CSMD1: variants seen among roughly 807,000 people sequenced by gnomAD.
CSMD1 encodes CUB and Sushi multiple domains 1.
A neutral mutation model predicts 417.5 loss-of-function variants in CSMD1; 213 were observed. That is an observed-to-expected ratio of 0.51 (90% CI 0.46 to 0.57). The LOEUF (loss-of-function observed/expected upper bound fraction) is 0.57, where lower values mean the gene tolerates loss of function less well. Ranked by LOEUF, CSMD1 falls within the 20% of genes least tolerant of loss-of-function variation. The probability of loss-of-function intolerance (pLI) is 0.00; values close to 1 mark genes in which losing one functional copy is unlikely to be tolerated. For synonymous variants in CSMD1, 2,862 were observed against 1,736.8 expected, an observed-to-expected ratio of 1.65 and a Z score of -16.11; for missense variants, 6,923 against 4,529.7, an observed-to-expected ratio of 1.53 and a Z score of -15.17.
intron 9 of CSMD1, among the ~76,000 whole-genome samples, chr8:3,584,998 G>A (rs1310480773): frequency 6.6e-6 from 1 of 152,200 alleles, no homozygotes; most frequent in Non-Finnish European, 1.5e-5. Flanking sequence ...TCCTGGACCA[G>A]AGATTGCTGA....
chr8:3,521,433 G>A (rs2117452191), intron 10 of CSMD1, among the ~76,000 whole-genome samples: 1 of 152,254 alleles, frequency 6.6e-6, no homozygotes, highest in Non-Finnish European at 1.5e-5. Context: ...CCTTGAGCAA[G>A]CTAGGAAGCT....
chr8:4,537,796 C>G (rs1193650280), intron 2 of CSMD1, among the ~76,000 whole-genome samples: 2 of 152,178 alleles, frequency 1.3e-5, no homozygotes, highest in Non-Finnish European at 2.9e-5. Flanking sequence ...TGCTGACTCT[C>G]AGGGCCGTGT....
intron 7 of CSMD1, among the ~76,000 whole-genome samples, chr8:3,658,066 G>C (rs562025026): frequency 5.9e-5 from 9 of 152,222 alleles, no homozygotes; most frequent in Non-Finnish European, 1.0e-4. Context: ...CGTCAGCCCA[G>C]AGGCATTCAG....
chr8:4,806,072 T>G (rs890502068), intron 1 of CSMD1, among the ~76,000 whole-genome samples: 1 of 152,186 alleles, frequency 6.6e-6, no homozygotes, highest in African/African-American at 2.4e-5. Context: ...CGGTGTCATT[T>G]ACAGACCCAC....
At chr8:4,453,064 G>C (rs929307247) in intron 2 of CSMD1, among the ~76,000 whole-genome samples, 1 of 152,154 alleles carries the variant, frequency 6.6e-6, no homozygotes, top group African/African-American at 2.4e-5. Flanking sequence ...CTAGGACCAT[G>C]AATGGTGATA....
intron 3 of CSMD1, among the ~76,000 whole-genome samples, chr8:4,180,946 A>C (rs754818885): frequency 2.0e-5 from 3 of 152,156 alleles, no homozygotes; most frequent in African/African-American, 4.8e-5. Flanking sequence ...CACTCTGTTA[A>C]TTAAGCCGGG....
chr8:3,993,235 G>A (rs1340317932), intron 5 of CSMD1, among the ~76,000 whole-genome samples: 2 of 152,172 alleles, frequency 1.3e-5, no homozygotes, highest in Non-Finnish European at 2.9e-5. Context: ...TCTGTAAAAT[G>A]AATTCAAAAT....
chr8:4,327,468 G>A (rs1024777340), intron 3 of CSMD1, among the ~76,000 whole-genome samples: 1 of 152,162 alleles, frequency 6.6e-6, no homozygotes, highest in African/African-American at 2.4e-5. Flanking sequence ...GCTGCCTGTA[G>A]GTAACTGGGG....
At chr8:4,121,361 C>T (rs929624592) in intron 3 of CSMD1, among the ~76,000 whole-genome samples, 1 of 152,090 alleles carries the variant, frequency 6.6e-6, no homozygotes, top group Non-Finnish European at 1.5e-5. Context: ...ATGATCCACC[C>T]ACCTTGGCCT....
chr8:4,378,942 C>G (rs1802925147), intron 3 of CSMD1, among the ~76,000 whole-genome samples: 1 of 152,150 alleles, frequency 6.6e-6, no homozygotes, highest in African/African-American at 2.4e-5. Flanking sequence ...TGATAAATTC[C>G]TATTATTTAT....
At chr8:3,921,515 C>T (rs1319506024) in intron 5 of CSMD1, among the ~76,000 whole-genome samples, 5 of 151,658 alleles carry the variant, frequency 3.3e-5, no homozygotes, top group Non-Finnish European at 7.4e-5. Flanking sequence ...TTATTTTTTT[C>T]ATGTAGGCCA....
At chr8:3,728,296 C>T (rs1802614896) in intron 6 of CSMD1, among the ~76,000 whole-genome samples, 1 of 152,082 alleles carries the variant, frequency 6.6e-6, no homozygotes, top group African/African-American at 2.4e-5. Context: ...CTTTGCTCTT[C>T]CTTCATCTTC....
intron 1 of CSMD1, among the ~76,000 whole-genome samples, chr8:4,719,148 C>T (rs1808883568): frequency 1.3e-5 from 2 of 151,960 alleles, no homozygotes; most frequent in African/African-American, 4.8e-5. Flanking sequence ...ACAATGATGG[C>T]CTGGAGAAAG....
chr8:4,647,902 A>T (rs1008726694), intron 1 of CSMD1, among the ~76,000 whole-genome samples: 1 of 152,194 alleles, frequency 6.6e-6, no homozygotes, highest in African/African-American at 2.4e-5. Flanking sequence ...TTTATAGTAG[A>T]ACGATTTATA....
At chr8:4,565,179 A>G (rs13251333) in intron 2 of CSMD1, among the ~76,000 whole-genome samples, 2 of 152,212 alleles carry the variant, frequency 1.3e-5, no homozygotes, top group Admixed American at 1.3e-4. Flanking sequence ...ATGATGAAAA[A>G]CAATAACAAT....
At chr8:3,708,546 A>T (rs963777486) in intron 6 of CSMD1, 55 bp from the exon 7 acceptor site, 11 of 1,469,890 alleles carry the variant, frequency 7.5e-6, no homozygotes, top group Non-Finnish European at 1.0e-5. Context: ...TCATAAAACC[A>T]TGTTGTATCC....
intron 1 of CSMD1, among the ~76,000 whole-genome samples, chr8:4,769,278 A>C (rs1340149851): frequency 1.3e-5 from 2 of 152,248 alleles, no homozygotes; most frequent in East Asian, 3.8e-4. Flanking sequence ...TGAGTGCCTG[A>C]AAGTACACCT....
At chr8:4,270,198 G>A (rs909315280) in intron 3 of CSMD1, among the ~76,000 whole-genome samples, 1 of 152,120 alleles carries the variant, frequency 6.6e-6, no homozygotes, top group Non-Finnish European at 1.5e-5. Flanking sequence ...TGACATAGCC[G>A]CGTGTTTCCT....
At chr8:4,134,340 C>G (rs900531331) in intron 3 of CSMD1, among the ~76,000 whole-genome samples, 13 of 152,108 alleles carry the variant, frequency 8.5e-5, no homozygotes, top group African/African-American at 3.1e-4. Context: ...TAAGGTGGGT[C>G]CTCATCCATG....
Sources: allele counts gnomAD v4.1 joint callset (sites outside exome capture counted in the v4.1 genomes callset), GRCh38; gene constraint gnomAD v4.1.1; transcripts MANE v1.5; gene names NCBI Gene and HGNC (gene_info 2026-07-23, HGNC 2026-07-21).